ZPBP: variants seen among roughly 807,000 people sequenced by gnomAD.
ZPBP encodes zona pellucida binding protein, also known as zona pellucida-binding protein 1.
Under a neutral mutation model 44.8 loss-of-function variants are expected in ZPBP, and 26 were observed. That is an observed-to-expected ratio of 0.58 (90% CI 0.43 to 0.81). The LOEUF (loss-of-function observed/expected upper bound fraction) is 0.81, where lower values mean the gene tolerates loss of function less well. Among genes scored for constraint, ZPBP ranks in the 30% least tolerant of loss-of-function variants. ZPBP has a pLI of 0.00. For synonymous variants in ZPBP, 174 were observed against 153.2 expected, an observed-to-expected ratio of 1.14 and a Z score of -1.00; for missense variants, 409 against 434.0, an observed-to-expected ratio of 0.94 and a Z score of 0.51.
downstream of ZPBP, among the ~76,000 whole-genome samples, chr7:49,849,026 C>T (rs1024123561): frequency 1.3e-5 from 2 of 152,186 alleles, no homozygotes; most frequent in Non-Finnish European, 2.9e-5. Flanking sequence ...CTCTATTTCT[C>T]TTTAGGTCCT....
chr7:49,967,163 G>A (rs1413475022), intron 7 of ZPBP, among the ~76,000 whole-genome samples: 4 of 152,190 alleles, frequency 2.6e-5, no homozygotes, highest in Non-Finnish European at 5.9e-5. Context: ...CCAGAGGGCA[G>A]AGCTTCTCCA....
chr7:50,068,386 C>T (rs1232039940), intron 3 of ZPBP, among the ~76,000 whole-genome samples: 1 of 151,472 alleles, frequency 6.6e-6, no homozygotes, highest in Non-Finnish European at 1.5e-5. Context: ...ACAGCAGGTG[C>T]AGGGGGTCTT....
intron 2 of ZPBP, among the ~76,000 whole-genome samples, chr7:49,864,698 C>T (rs1275428481): frequency 6.6e-6 from 1 of 152,214 alleles, no homozygotes. Context: ...TTTCAAGTAG[C>T]TCCAGACAGT....
At chr7:49,895,342 A>G (rs1052788726) in intron 2 of ZPBP, among the ~76,000 whole-genome samples, 6 of 152,182 alleles carry the variant, frequency 3.9e-5, no homozygotes, top group Non-Finnish European at 2.9e-5. Context: ...CACATTGTTG[A>G]TTAAGTTTCA....
rs189965847 is a variant in ZPBP, at chr7:49,975,395, T to C, written c.961+7947A>G. 9.2e-5 allele frequency among the ~76,000 whole-genome samples: 14 copies of C among 152,188 alleles called. No individual in the cohort carries two copies. The East Asian group carries it at 2.5e-3, about 27-fold the overall frequency. On this transcript the variant is annotated intron_variant, in intron 7 of 7. Coordinates refer to ENST00000046087, the MANE Select transcript of ZPBP (RefSeq NM_007009.3). Reference sequence around the variant, plus strand: ...TTTCCTGACTGCTCCCCAAGTCAGATTCAGGGTTTTGGAGGGTCAAGGAGC... The same window carrying C: ...TTTCCTGACTGCTCCCCAAGTCAGACTCAGGGTTTTGGAGGGTCAAGGAGC...
intron 7 of ZPBP, among the ~76,000 whole-genome samples, chr7:49,956,401 T>A (rs1453983833): frequency 6.6e-6 from 1 of 152,050 alleles, no homozygotes; most frequent in Non-Finnish European, 1.5e-5. Context: ...TTTCAAGAAA[T>A]CTATTTTTTG....
chr7:49,970,953 A>G (rs1796280516), intron 7 of ZPBP, among the ~76,000 whole-genome samples: 1 of 152,092 alleles, frequency 6.6e-6, no homozygotes, highest in Non-Finnish European at 1.5e-5. Context: ...CTGAGGTGAG[A>G]GGATCACTTG....
chr7:50,089,848 C>G, intron 1 of ZPBP, 139 bp from the exon 2 acceptor site: 1 of 684,974 alleles, frequency 1.5e-6, no homozygotes, highest in East Asian at 2.7e-5. Flanking sequence ...ACTGTTCCAA[C>G]TCTATTCCCC....
chr7:50,041,793 A>G (rs1800108379), intron 4 of ZPBP, among the ~76,000 whole-genome samples: 1 of 152,230 alleles, frequency 6.6e-6, no homozygotes. Flanking sequence ...ACTCCTCACC[A>G]GCAAGGGAAC....
intron 7 of ZPBP, among the ~76,000 whole-genome samples, chr7:49,968,214 A>C (rs1796140951): frequency 1.3e-5 from 2 of 152,046 alleles, no homozygotes; most frequent in African/African-American, 4.8e-5. Flanking sequence ...AATGTGTGTG[A>C]TCTCTAGACT....
At chr7:49,912,834 C>A (rs1178575725) in intron 1 of ZPBP, 1 of 152,362 alleles carries the variant, frequency 6.6e-6, no homozygotes, top group African/African-American at 2.4e-5. Flanking sequence ...TTTCTCAGTT[C>A]TTTCCCCTAA....
chr7:50,032,674 T>A (rs1799655428), intron 4 of ZPBP, among the ~76,000 whole-genome samples: 1 of 152,216 alleles, frequency 6.6e-6, no homozygotes, highest in Admixed American at 6.5e-5. Context: ...ATGATAAAAC[T>A]GTCTTCTTAA....
chr7:49,849,894 C>T (rs961276589), downstream of ZPBP, among the ~76,000 whole-genome samples: 3 of 152,170 alleles, frequency 2.0e-5, no homozygotes, highest in African/African-American at 7.2e-5. Flanking sequence ...AGAGACTGAG[C>T]ACAGTACCAT....
At chr7:50,021,959 C>A (rs917372713) in intron 5 of ZPBP, among the ~76,000 whole-genome samples, 4 of 152,094 alleles carry the variant, frequency 2.6e-5, no homozygotes, top group Non-Finnish European at 5.9e-5. Context: ...AGTAATTTGT[C>A]ACATACTAGG....
chr7:49,963,577 G>A (rs926540845), intron 7 of ZPBP, among the ~76,000 whole-genome samples: 1 of 151,722 alleles, frequency 6.6e-6, no homozygotes, highest in Non-Finnish European at 1.5e-5. Context: ...TTAGGGTGAT[G>A]GAAATTTCTG....
At chr7:49,898,113 A>ATG (rs773381433) in intron 2 of ZPBP, among the ~76,000 whole-genome samples, 11 of 151,208 alleles carry the variant, frequency 7.3e-5, no homozygotes, top group Non-Finnish European at 1.3e-4. Context: ...CTTTACATAT[A>ATG]TGTGTGTGTG....
At chr7:50,077,357 C>A (rs973312376) in intron 3 of ZPBP, among the ~76,000 whole-genome samples, 1 of 151,512 alleles carries the variant, frequency 6.6e-6, no homozygotes, top group African/African-American at 2.4e-5. Flanking sequence ...TGAGCAATAA[C>A]CCACAAGCAC....
chr7:49,957,094 T>G (rs1382047314), intron 7 of ZPBP, among the ~76,000 whole-genome samples: 1 of 152,146 alleles, frequency 6.6e-6, no homozygotes, highest in Non-Finnish European at 1.5e-5. Context: ...TTGTCTCTGT[T>G]TCTCTCTCTG....
downstream of ZPBP, among the ~76,000 whole-genome samples, chr7:49,932,590 T>C (rs955574995): frequency 6.6e-6 from 1 of 152,222 alleles, no homozygotes; most frequent in Admixed American, 6.5e-5. Flanking sequence ...TACAGGCTCA[T>C]AGGCAGAAGG....
Sources: gnomAD v4.1 joint callset for allele counts (sites outside exome capture counted in the v4.1 genomes callset) on GRCh38, gnomAD v4.1.1 for gene constraint, MANE v1.5 for transcripts, NCBI Gene and HGNC (gene_info 2026-07-23, HGNC 2026-07-21) for gene names.